PTBP1: variants seen among roughly 807,000 people sequenced by gnomAD.
PTBP1 encodes polypyrimidine tract binding protein 1.
Under a neutral mutation model 59.8 loss-of-function variants are expected in PTBP1, and 8 were observed. The ratio of observed to expected loss-of-function variants is 0.13; its 90% confidence interval spans 0.08 to 0.24. The LOEUF (loss-of-function observed/expected upper bound fraction) is 0.24. Among genes scored for constraint, PTBP1 ranks in the 10% least tolerant of loss-of-function variants. PTBP1 has a pLI of 1.00. For missense variants in PTBP1, 686 were observed against 767.0 expected, an observed-to-expected ratio of 0.89 and a Z score of 1.25; for synonymous variants, 490 against 320.7, an observed-to-expected ratio of 1.53 and a Z score of -5.64.
rs34792662 is a variant in PTBP1 at position 806,692 on chromosome 19, G to T, written c.1119+136G>T. 2,713 of 753,456 alleles carry T rather than the reference G, an allele frequency of 3.6e-3. 7 individuals carry two copies. Among genetic ancestry groups the T allele is most frequent in the Non-Finnish European group, 4.9e-3 (2,507 of 509,022 alleles). 46.7% of individuals were successfully genotyped at this position (753,456 alleles called of 1,614,324 possible). A position where few individuals can be genotyped will look rare whatever the true frequency, so the allele number is the denominator to read the frequency against. ...CTGCCCTGGCAGCCCCTCTGCTGCA[G>T]CGCTGAGACCCTCCTTTTCCAAGAT... On this transcript the variant is annotated intron_variant, in intron 10 of 14. Transcript: ENST00000356948.
At chr19:807,160 T>G (rs1344470227) in intron 10 of PTBP1, 1 of 152,438 alleles carries the variant, frequency 6.6e-6, no homozygotes, top group East Asian at 1.9e-4. Context: ...ACTCCCTGCC[T>G]GTGCCTCTTA....
Position 804,259 on chromosome 19 carries a change from A to T in PTBP1, c.289-33A>T, listed in dbSNP as rs201178230. The T allele has an allele frequency of 6.3e-5, 101 of 1,612,136 alleles. No homozygotes were observed. In the East Asian group the frequency reaches 2.2e-3, roughly 35 times the overall value. Reference sequence around the variant, plus strand: ...TGCTCACACCGTGCAGGCGGGGACGAGGAGGGCCCAGCGCTCACTGCCTCC... The same window carrying T: ...TGCTCACACCGTGCAGGCGGGGACGTGGAGGGCCCAGCGCTCACTGCCTCC... On this transcript the variant is annotated intron_variant, in intron 4 of 14. Transcript: ENST00000356948.
At chr19:810,285 G>A (rs539104876) in intron 13 of PTBP1, among the ~76,000 whole-genome samples, 9 of 151,590 alleles carry the variant, frequency 5.9e-5, no homozygotes, top group South Asian at 4.2e-4. Context: ...CCGCCTGGGC[G>A]ACAGAGCAAG....
intron 2 of PTBP1, among the ~76,000 whole-genome samples, 153 bp from the exon 3 acceptor site, chr19:803,408 C>T (rs777442344): frequency 6.6e-6 from 1 of 152,082 alleles, no homozygotes; most frequent in South Asian, 2.1e-4. Flanking sequence ...GCTGGGTCTG[C>T]GCTCAGGCTG....
chr19:805,292 C>G (rs1450393586), intron 8 of PTBP1, 105 bp downstream of exon 8: 3 of 1,364,938 alleles, frequency 2.2e-6, no homozygotes, highest in South Asian at 2.6e-5. Context: ...GGGTGATGCA[C>G]CTGCTGCTCT....
At chr19:806,685 T>A in intron 10 of PTBP1, 129 bp downstream of exon 10, 1 of 856,628 alleles carries the variant, frequency 1.2e-6, no homozygotes, top group Non-Finnish European at 1.7e-6. Flanking sequence ...GCAGCCCCTC[T>A]GCTGCAGCGC....
intron 1 of PTBP1, 36 bp downstream of exon 1, chr19:797,541 CCCGCGCCGCAGCCCTGCCCCCGCCG>C (rs1224535607): frequency 3.4e-6 from 5 of 1,473,176 alleles, no homozygotes; most frequent in African/African-American, 1.5e-5. Context: ...CACCGCCCTC[CCCGCGCCGCAGCCCTGCCCCCGCCG>C]CCGCGCCGGC....
chr19:800,428 C>T (rs565734488), intron 2 of PTBP1, among the ~76,000 whole-genome samples: 3 of 152,114 alleles, frequency 2.0e-5, no homozygotes, highest in East Asian at 1.9e-4. Context: ...CCTGGGGAGG[C>T]GATTCTCGAG....
chr19:806,721 T>A, intron 10 of PTBP1, 165 bp downstream of exon 10: 2 of 574,584 alleles, frequency 3.5e-6, no homozygotes, highest in Non-Finnish European at 5.6e-6. Context: ...CCAAGATGGC[T>A]TGAGTTTTCC....
rs1442997031 is a variant in PTBP1 at position 811,182 on chromosome 19, G to A, written c.*356G>A. 1.6e-5 allele frequency: 3 copies of A among 183,216 alleles called. No homozygotes were observed. The highest frequency in any genetic ancestry group is 3.4e-5 in the Non-Finnish European group (3 of 88,784). 11.3% of individuals were successfully genotyped at this position (183,216 alleles called of 1,614,324 possible). A position where few individuals can be genotyped will look rare whatever the true frequency, so the allele number is the denominator to read the frequency against. Reference sequence around the variant, plus strand: ...GCCTTAAAAAACCTGCCTTCCTGCAGCCACACACCCACCCGGGGTGTCCTG... The same window carrying A: ...GCCTTAAAAAACCTGCCTTCCTGCAACCACACACCCACCCGGGGTGTCCTG... On this transcript the variant is annotated 3_prime_UTR_variant, in exon 15 of 15. Transcript: ENST00000356948.
Position 811,116 on chromosome 19 carries a change from G to C in PTBP1, c.*290G>C. The C allele has an allele frequency of 3.3e-6, 1 of 306,810 alleles. No individual in the cohort carries two copies. 19.0% of individuals were successfully genotyped at this position (306,810 alleles called of 1,614,324 possible). ...TGGTGGGGCCTGTGTCGGGCGTGGG[G>C]CCTGCAGGTGGGCGCCCCGACCACG... On this transcript the variant is annotated 3_prime_UTR_variant, in exon 15 of 15. Transcript: ENST00000356948.
At chr19:806,673 T>TCTGCCCC in intron 10 of PTBP1, 117 bp downstream of exon 10, 1 of 1,010,394 alleles carries the variant, frequency 9.9e-7, no homozygotes. Context: ...GCCTCTGCCC[T>TCTGCCCC]GGCAGCCCCT....
rs2034585535 is a variant in PTBP1 at position 806,488 on chromosome 19, C to T, written c.1051C>T (p.Arg351Trp). The T allele has an allele frequency of 6.3e-7, 1 of 1,586,230 alleles. No homozygotes were observed. The highest frequency in any genetic ancestry group is 1.8e-5 in the Admixed American group (1 of 56,272). ...GGCGGCGGCAGCTGCGGCGGCAGGT[C>T]GGATCGCCATCCCGGGCCTGGCGGG... ...SAAAAAAAAG[R>W]IAIPGLAGAG... The change falls in exon 10 of 15, where the codon CGG becomes TGG. Residue 351 changes from arginine to tryptophan, a missense_variant. Coordinates refer to ENST00000356948, the MANE Select transcript of PTBP1 (RefSeq NM_002819.5).
intron 2 of PTBP1, 75 bp from the exon 3 acceptor site, chr19:803,486 G>T: frequency 7.6e-7 from 1 of 1,315,590 alleles, no homozygotes; most frequent in Non-Finnish European, 1.1e-6. Flanking sequence ...CCAAGTGGGA[G>T]CAGGGCCGGC....
intron 13 of PTBP1, among the ~76,000 whole-genome samples, chr19:809,424 C>T (rs2034748151): frequency 6.6e-6 from 1 of 152,068 alleles, no homozygotes; most frequent in East Asian, 1.9e-4. Flanking sequence ...TCATGCCACT[C>T]TGCTGCCTCA....
In PTBP1 at chr19:811,786, C is replaced by G. The variant is rs1053654888; in HGVS notation, c.*960C>G. On this transcript the variant is annotated 3_prime_UTR_variant, in exon 15 of 15. Transcript: ENST00000356948. The stretch of plus-strand genomic sequence containing the variant: ...TGGCATCGCCTCCGGTTGCCTTACA[C>G]CACGCCTTCACCTGCAGTCGCCTAG... 3 of 152,464 alleles carry G rather than the reference C, an allele frequency of 2.0e-5. No homozygotes were observed. Among genetic ancestry groups the G allele is most frequent in the Admixed American group, 1.3e-4 (2 of 15,284 alleles). 9.4% of individuals were successfully genotyped at this position (152,464 alleles called of 1,614,324 possible). A position where few individuals can be genotyped will look rare whatever the true frequency, so the allele number is the denominator to read the frequency against.
Position 797,536 on chromosome 19 carries a change from C to T in PTBP1, c.8+31C>T, listed in dbSNP as rs777560733. 2.7e-5 allele frequency: 40 copies of T among 1,480,756 alleles called. No homozygotes were observed. The South Asian group carries it at 5.0e-4, about 19-fold the overall frequency. The allele number at this position is 1,480,756 out of a possible 1,614,324, so 91.7% of individuals were successfully genotyped here. A position where few individuals can be genotyped will look rare whatever the true frequency, so the allele number is the denominator to read the frequency against. ...TCGCACGTCGCCCCGCGCCCCACCG[C>T]CCTCCCCGCGCCGCAGCCCTGCCCC... is the stretch of plus-strand genomic sequence containing the variant. On this transcript the variant is annotated intron_variant, in intron 1 of 14. Coordinates refer to ENST00000356948, the MANE Select transcript of PTBP1 (RefSeq NM_002819.5).
At chr19:799,529 G>A in intron 2 of PTBP1, 86 bp downstream of exon 2, 2 of 1,361,064 alleles carry the variant, frequency 1.5e-6, no homozygotes, top group African/African-American at 2.9e-5. Context: ...TGTTGCGTTG[G>A]CTAGAGGGCG....
At chr19:806,874 G>C (rs1312142308) in intron 10 of PTBP1, 5 of 235,778 alleles carry the variant, frequency 2.1e-5, no homozygotes, top group Admixed American at 1.7e-4. Context: ...AGGCCGCCCT[G>C]CTGGTCAGCG....
Sources: gnomAD v4.1 joint callset for allele counts (sites outside exome capture counted in the v4.1 genomes callset) on GRCh38, gnomAD v4.1.1 for gene constraint, MANE v1.5 for transcripts, NCBI Gene and HGNC (gene_info 2026-07-23, HGNC 2026-07-21) for gene names.